The following LRRC14B variants were observed in gnomAD, a reference collection of about 807,000 sequenced individuals.
LRRC14B encodes leucine-rich repeat-containing protein 14B.
Under a neutral mutation model 16.9 loss-of-function variants are expected in LRRC14B, and 23 were observed. The observed-to-expected ratio is 1.36, with a 90% CI of 0.98 to 1.92. The LOEUF (loss-of-function observed/expected upper bound fraction) is 1.92. LRRC14B is among the 30% of genes most tolerant of loss of function. The pLI, the probability that LRRC14B is intolerant of heterozygous loss-of-function variation, is 0.00. For missense variants in LRRC14B, 766 were observed against 705.7 expected, an observed-to-expected ratio of 1.09 and a Z score of -0.97; for synonymous variants, 358 against 332.5, an observed-to-expected ratio of 1.08 and a Z score of -0.83.
chr5:192,063 T>C lies in LRRC14B; in HGVS notation c.525T>C (p.Ala175=). Residue 175 remains alanine, a synonymous_variant, in exon 1 of 2, where the codon GCT becomes GCC. Transcript: ENST00000328278. ...TEGNFEAVVQ[A]LRPAGPAPLR... ...GCAACTTCGAGGCGGTGGTGCAGGC[T>C]CTGAGGCCAGCGGGCCCGGCCCCTC... The C allele has an allele frequency of 6.5e-7, 1 of 1,545,736 alleles. No homozygotes were observed. Among genetic ancestry groups the C allele is most frequent in the Middle Eastern group, 1.7e-4 (1 of 5,922 alleles).
At chr5:193,858 G>C (rs1339222790) in intron 1 of LRRC14B, among the ~76,000 whole-genome samples, 1 of 151,990 alleles carries the variant, frequency 6.6e-6, no homozygotes, top group Non-Finnish European at 1.5e-5. Context: ...GGTTGGGATG[G>C]GGCAGACCCC....
rs1352367052 is a variant in LRRC14B at position 191,608 on chromosome 5, C to T, written c.70C>T (p.Gln24Ter). ...ALVSHPQVAR[Q>*]SLDSVAHNLY... ...GGTGTCCCACCCCCAGGTGGCCCGGCAGAGCCTGGACAGCGTGGCCCACAA... is the reference window on the plus strand; with the variant it reads ...GGTGTCCCACCCCCAGGTGGCCCGGTAGAGCCTGGACAGCGTGGCCCACAA... Residue 24 changes from glutamine (Q) to a stop codon, truncating the protein, a stop_gained, in exon 1 of 2, where the codon CAG (glutamine) becomes TAG (stop). Coordinates refer to ENST00000328278, the MANE Select transcript of LRRC14B (RefSeq NM_001080478.3). LOFTEE classifies it high-confidence loss of function. 7.4e-6 allele frequency: 12 copies of T among 1,611,966 alleles called. No individual in the cohort carries two copies. In the South Asian group the frequency reaches 1.1e-4, roughly 15 times the overall value.
chr5:193,318 G>A (rs1579349349), intron 1 of LRRC14B, among the ~76,000 whole-genome samples: 1 of 150,422 alleles, frequency 6.6e-6, no homozygotes, highest in Non-Finnish European at 1.5e-5. Context: ...GGGTCCTGGG[G>A]GTGGGACCTG....
At position 195,084 on chromosome 5, in the gene LRRC14B, C is replaced by A; in HGVS notation, c.1276C>A (p.Pro426Thr). Residue 426 changes from proline (P) to threonine (T), a missense_variant, in exon 2 of 2, where the codon CCC becomes ACC. Physicochemically the swap from Pro to Thr is conservative, Grantham distance 38. Coordinates refer to ENST00000328278, the MANE Select transcript of LRRC14B (RefSeq NM_001080478.3). ...PELRCIEFPV[P>T]KDCYPEGAAY... is the part of the protein sequence containing the mutation. ...GCTGCGCTGCATTGAGTTCCCGGTG[C>A]CCAAGGACTGCTACCCCGAGGGTGC... The A allele has an allele frequency of 1.2e-6, 2 of 1,613,850 alleles. No homozygotes were observed. Among genetic ancestry groups the A allele is most frequent in the South Asian group, 1.1e-5 (1 of 91,084 alleles).
rs1021447082 is a variant in LRRC14B at position 191,710 on chromosome 5, C to T, written c.172C>T (p.Pro58Ser). The part of the protein sequence containing the change: ...EVTRAVLGRW[P>S]LEEFRLGALL... Reference sequence around the variant, plus strand: ...GACGCGCGCGGTGCTGGGGCGCTGGCCCCTGGAGGAGTTCCGGCTGGGAGC... The same window carrying T: ...GACGCGCGCGGTGCTGGGGCGCTGGTCCCTGGAGGAGTTCCGGCTGGGAGC... Residue 58 changes from proline to serine, a missense_variant, in exon 1 of 2, where the codon CCC becomes TCC. Pro to Ser is a moderately conservative substitution (Grantham distance 74). Transcript: ENST00000328278. The T allele has an allele frequency of 1.4e-5, 23 of 1,586,264 alleles. No individual in the cohort carries two copies. Among genetic ancestry groups the T allele is most frequent in the Non-Finnish European group, 2.0e-5 (23 of 1,167,144 alleles).
At position 192,388 on chromosome 5, in the gene LRRC14B, C is replaced by A; in HGVS notation, c.850C>A (p.Leu284Ile). 6.3e-7 allele frequency: 1 copy of A among 1,576,870 alleles called. No homozygotes were observed. Among genetic ancestry groups the A allele is most frequent in the African/African-American group, 1.3e-5 (1 of 74,210 alleles). The change falls in exon 1 of 2, where the codon CTC (leucine) becomes ATC (isoleucine). Residue 284 changes from leucine to isoleucine, a missense_variant. Transcript: ENST00000328278. ...CAGCAAGATGGCGCAGCTCACTGAGCTCAGTGTGGCCTTCTCCACGCTGAC... is the reference window on the plus strand; with the variant it reads ...CAGCAAGATGGCGCAGCTCACTGAGATCAGTGTGGCCTTCTCCACGCTGAC... Reference protein sequence around the residue: ...ELSKMAQLTELSVAFSTLTGK... With the variant: ...ELSKMAQLTEISVAFSTLTGK...
Position 192,098 on chromosome 5 carries a change from A to G in LRRC14B, c.560A>G (p.His187Arg). Reference protein sequence around the residue: ...RPAGPAPLRVHCPSFRADSLS... With the variant: ...RPAGPAPLRVRCPSFRADSLS... ...GCGGGCCCGGCCCCTCTGCGGGTGC[A>G]CTGCCCCTCGTTCCGGGCGGACAGC... is the stretch of plus-strand genomic sequence containing the variant. The change falls in exon 1 of 2, where the codon CAC becomes CGC. Residue 187 changes from histidine to arginine, a missense_variant. By Grantham distance (29) the His-to-Arg change is conservative. Coordinates refer to ENST00000328278, the MANE Select transcript of LRRC14B (RefSeq NM_001080478.3). 6.4e-7 allele frequency: 1 copy of G among 1,555,992 alleles called. No homozygotes were observed. The highest frequency in any genetic ancestry group is 8.7e-7 in the Non-Finnish European group (1 of 1,154,072).
chr5:194,933 C>G lies in LRRC14B; in HGVS notation c.1125C>G (p.Ser375Arg). The G allele has an allele frequency of 6.2e-7, 1 of 1,612,524 alleles. No individual in the cohort carries two copies. Among genetic ancestry groups the G allele is most frequent in the Non-Finnish European group, 8.5e-7 (1 of 1,179,360 alleles). ...LTLEECGIVDSHVGMLILGLS... is the reference protein window; with the variant it reads ...LTLEECGIVDRHVGMLILGLS... ...TGGAGGAGTGTGGCATCGTAGACAG[C>G]CACGTTGGCATGCTGATCCTGGGCC... The change falls in exon 2 of 2, where the codon AGC becomes AGG. Residue 375 changes from serine to arginine, a missense_variant. Ser to Arg is a moderately radical substitution (Grantham distance 110, BLOSUM62 -1). Coordinates refer to ENST00000328278, the MANE Select transcript of LRRC14B (RefSeq NM_001080478.3).
chr5:195,671 TG>T lies in LRRC14B; in HGVS notation c.*320del. 1 of 388,738 alleles carries T rather than the reference TG, an allele frequency of 2.6e-6. No homozygotes were observed. The highest frequency in any genetic ancestry group is 4.7e-6 in the Non-Finnish European group (1 of 210,924). The allele number at this position is 388,738 out of a possible 1,614,324, so 24.1% of individuals were successfully genotyped here. On this transcript the variant is annotated 3_prime_UTR_variant, in exon 2 of 2. Coordinates refer to ENST00000328278, the MANE Select transcript of LRRC14B (RefSeq NM_001080478.3). ...AGAGAAGCCCGGGAGGTGTGAGGAG[TG>T]GCCGACCTGGCCTCAGCGCATCTGG... is the stretch of plus-strand genomic sequence containing the variant.
chr5:191,988 C>T lies in LRRC14B; in HGVS notation c.450C>T (p.Leu150=), dbSNP rs1160609347. Reference sequence around the variant, plus strand: ...GCTGTGAGCTGCAGGCAGAGCCCCTCGCAGCCGGGCGCCCCGTCGAGGTCC... The same window carrying T: ...GCTGTGAGCTGCAGGCAGAGCCCCTTGCAGCCGGGCGCCCCGTCGAGGTCC... ...RTCCELQAEP[L]AAGRPVEVLA... Residue 150 remains leucine (L), a synonymous_variant, in exon 1 of 2, where the codon CTC becomes CTT. Coordinates refer to ENST00000328278, the MANE Select transcript of LRRC14B (RefSeq NM_001080478.3). 5.9e-6 allele frequency: 9 copies of T among 1,532,632 alleles called. No homozygotes were observed. In the South Asian group the frequency reaches 8.3e-5, roughly 14 times the overall value. The allele number at this position is 1,532,632 out of a possible 1,614,324, so 94.9% of individuals were successfully genotyped here.
intron 1 of LRRC14B, among the ~76,000 whole-genome samples, chr5:194,307 C>G (rs1242215513): frequency 6.6e-6 from 1 of 151,442 alleles, no homozygotes; most frequent in South Asian, 2.1e-4. Context: ...CTCGTGGTCA[C>G]ATGCATCACT....
At chr5:194,275 G>A (rs181269370) in intron 1 of LRRC14B, among the ~76,000 whole-genome samples, 7 of 152,166 alleles carry the variant, frequency 4.6e-5, no homozygotes, top group African/African-American at 9.6e-5. Context: ...GCCCCACCCC[G>A]TCCACTTTCT....
rs2126484774 is a variant in LRRC14B at position 191,749 on chromosome 5, G to A, written c.211G>A (p.Gly71Ser). 1 of 1,556,164 alleles carries A rather than the reference G, an allele frequency of 6.4e-7. No homozygotes were observed. Among genetic ancestry groups the A allele is most frequent in the Non-Finnish European group, 8.7e-7 (1 of 1,152,158 alleles). The part of the protein sequence containing the change: ...EFRLGALLGP[G>S]ADHPQDLRDR... ...CCGGCTGGGAGCGCTGCTGGGTCCT[G>A]GTGCCGACCACCCCCAGGACCTGCG... is the stretch of plus-strand genomic sequence containing the variant. The change falls in exon 1 of 2, where the codon GGT (glycine) becomes AGT (serine). Residue 71 changes from glycine to serine, a missense_variant. Gly to Ser is a moderately conservative substitution (Grantham distance 56). Transcript: ENST00000328278.
Position 191,716 on chromosome 5 carries a change from G to C in LRRC14B, c.178G>C (p.Glu60Gln). ...TRAVLGRWPL[E>Q]EFRLGALLGP... ...CGCGGTGCTGGGGCGCTGGCCCCTGGAGGAGTTCCGGCTGGGAGCGCTGCT... is the reference window on the plus strand; with the variant it reads ...CGCGGTGCTGGGGCGCTGGCCCCTGCAGGAGTTCCGGCTGGGAGCGCTGCT... Residue 60 changes from glutamate (E) to glutamine (Q), a missense_variant, in exon 1 of 2, where the codon GAG (glutamate) becomes CAG (glutamine). Coordinates refer to ENST00000328278, the MANE Select transcript of LRRC14B (RefSeq NM_001080478.3). 6.3e-7 allele frequency: 1 copy of C among 1,582,208 alleles called. No individual in the cohort carries two copies. The highest frequency in any genetic ancestry group is 8.6e-7 in the Non-Finnish European group (1 of 1,164,954).
Position 191,909 on chromosome 5 carries a change from CG to C in LRRC14B, c.372del (p.Cys125AlafsTer52). ...CGAGATGTGCAGGTGCAGCGGTGCC[CG>C]TGCGGGAGGGCGCTGGGCAGGTGGG... Reference protein sequence around the residue: ...GIRDVQVQRCPCGRALGRWGR... With the variant: ...GIRDVQVQRCXCGRALGRWGR... On this transcript the variant is annotated frameshift_variant, in exon 1 of 2. Coordinates refer to ENST00000328278, the MANE Select transcript of LRRC14B (RefSeq NM_001080478.3). LOFTEE classifies it high-confidence loss of function. 6.6e-7 allele frequency: 1 copy of C among 1,508,000 alleles called. No homozygotes were observed. The highest frequency in any genetic ancestry group is 1.2e-5 in the South Asian group (1 of 80,534). The allele number at this position is 1,508,000 out of a possible 1,614,324, so 93.4% of individuals were successfully genotyped here.
Position 192,455 on chromosome 5 carries a change from GACT to G in LRRC14B, c.899+19_899+21del. 2 of 1,497,438 alleles carry G rather than the reference GACT, an allele frequency of 1.3e-6. No homozygotes were observed. The highest frequency in any genetic ancestry group is 1.8e-6 in the Non-Finnish European group (2 of 1,122,022). The allele number at this position is 1,497,438 out of a possible 1,614,324, so 92.8% of individuals were successfully genotyped here. ...CTGCTTGGGTGAGTCTTGGGGAGGG[GACT>G]GAGGGCGGGCTGGTGGCTGCAGAGG... On this transcript the variant is annotated intron_variant, in intron 1 of 1. Transcript: ENST00000328278.
At chr5:193,640 T>G (rs1445133029) in intron 1 of LRRC14B, among the ~76,000 whole-genome samples, 2 of 139,662 alleles carry the variant, frequency 1.4e-5, no homozygotes, top group Non-Finnish European at 1.6e-5. Flanking sequence ...TCCTGAAGGA[T>G]GGGGGTGCCC....
In LRRC14B at chr5:191,994, C is replaced by T. The variant is rs774012117; in HGVS notation, c.456C>T (p.Ala152=). The T allele has an allele frequency of 2.6e-5, 40 of 1,533,170 alleles. No homozygotes were observed. The South Asian group carries it at 3.0e-4, about 11-fold the overall frequency. 95.0% of individuals were successfully genotyped at this position (1,533,170 alleles called of 1,614,324 possible). A position where few individuals can be genotyped will look rare whatever the true frequency, so the allele number is the denominator to read the frequency against. The stretch of plus-strand genomic sequence containing the variant: ...AGCTGCAGGCAGAGCCCCTCGCAGC[C>T]GGGCGCCCCGTCGAGGTCCTCGCCG... ...CCELQAEPLA[A]GRPVEVLADL... is the part of the protein sequence containing the mutation. Residue 152 remains alanine (A), a synonymous_variant, in exon 1 of 2, where the codon GCC becomes GCT. Transcript: ENST00000328278.
chr5:194,827 G>A lies in LRRC14B; in HGVS notation c.1019G>A (p.Gly340Glu). 6.2e-7 allele frequency: 1 copy of A among 1,602,012 alleles called. No homozygotes were observed. Among genetic ancestry groups the A allele is most frequent in the Non-Finnish European group, 8.5e-7 (1 of 1,174,380 alleles). The change falls in exon 2 of 2, where the codon GGA (glycine) becomes GAA (glutamate). Residue 340 changes from glycine to glutamate, a missense_variant. Gly to Glu is a moderately conservative substitution (Grantham distance 98). Coordinates refer to ENST00000328278, the MANE Select transcript of LRRC14B (RefSeq NM_001080478.3). ...AAHLEVLDLSGHNLVSLYPST... is the reference protein window; with the variant it reads ...AAHLEVLDLSEHNLVSLYPST... ...CACCTGGAGGTGCTGGACCTCAGTG[G>A]ACACAACCTGGTCAGCCTGTACCCC...
Sources: allele counts gnomAD v4.1 joint callset (sites outside exome capture counted in the v4.1 genomes callset), GRCh38; gene constraint gnomAD v4.1.1; transcripts MANE v1.5; gene names NCBI Gene and HGNC (gene_info 2026-07-23, HGNC 2026-07-21).